The following CHSY3 variants were observed in gnomAD, a reference collection of about 807,000 sequenced individuals.
CHSY3 encodes the protein N-acetylgalactosaminyl-proteoglycan 3-beta-glucuronosyltransferase 3.
Under a neutral mutation model 67.2 loss-of-function variants are expected in CHSY3, and 35 were observed. The ratio of observed to expected loss-of-function variants is 0.52; its 90% CI spans 0.40 to 0.69. The LOEUF (loss-of-function observed/expected upper bound fraction) is 0.69. Among genes scored for constraint, CHSY3 ranks in the 30% least tolerant of loss-of-function variants. CHSY3 has a pLI of 0.00. For missense variants in CHSY3, 1,069 were observed against 1,138.5 expected (o/e 0.94, Z 0.88); for synonymous variants, 474 against 434.7 (o/e 1.09, Z -1.12).
intron 2 of CHSY3, among the ~76,000 whole-genome samples, chr5:130,166,508 T>C (rs1353531833): frequency 6.6e-6 from 1 of 152,166 alleles, no homozygotes; most frequent in East Asian, 1.9e-4. Flanking sequence ...GTGACTCAAG[T>C]CCTTGTATCT....
At chr5:129,923,938 T>C (rs1000029362) in intron 2 of CHSY3, among the ~76,000 whole-genome samples, 1 of 152,224 alleles carries the variant, frequency 6.6e-6, no homozygotes, top group African/African-American at 2.4e-5. Flanking sequence ...CATAAATGTA[T>C]TTGTTTTAAG....
intron 2 of CHSY3, among the ~76,000 whole-genome samples, chr5:130,022,601 T>G (rs1222055017): frequency 6.6e-6 from 1 of 151,990 alleles, no homozygotes; most frequent in East Asian, 1.9e-4. Flanking sequence ...AACTTATAAT[T>G]TATTTTTAAA....
intron 2 of CHSY3, among the ~76,000 whole-genome samples, chr5:130,013,862 A>G (rs916237001): frequency 6.6e-6 from 1 of 152,238 alleles, no homozygotes; most frequent in Non-Finnish European, 1.5e-5. Flanking sequence ...ATTTCTACCC[A>G]GAAAATGGGG....
At chr5:130,076,721 C>G (rs1027659635) in intron 2 of CHSY3, among the ~76,000 whole-genome samples, 1 of 151,900 alleles carries the variant, frequency 6.6e-6, no homozygotes, top group Admixed American at 6.6e-5. Context: ...CTACATTACT[C>G]CTAAAATTTA....
chr5:130,094,665 A>AT (rs1472810904), intron 2 of CHSY3, among the ~76,000 whole-genome samples: 1 of 152,136 alleles, frequency 6.6e-6, no homozygotes, highest in Non-Finnish European at 1.5e-5. Flanking sequence ...AAAAAAGTGA[A>AT]TGTTTTTCTT....
At chr5:130,046,038 C>T (rs528274853) in intron 2 of CHSY3, among the ~76,000 whole-genome samples, 2 of 152,130 alleles carry the variant, frequency 1.3e-5, no homozygotes, top group African/African-American at 2.4e-5. Context: ...CTAATGCTAG[C>T]AATACTTAAC....
At chr5:130,104,851 AT>A (rs1250872098) in intron 2 of CHSY3, among the ~76,000 whole-genome samples, 1 of 151,860 alleles carries the variant, frequency 6.6e-6, no homozygotes, top group African/African-American at 2.4e-5. Context: ...TATATGACTA[AT>A]TAAATGTATC....
chr5:130,076,916 GA>G (rs1766280514), intron 2 of CHSY3, among the ~76,000 whole-genome samples: 1 of 149,172 alleles, frequency 6.7e-6, no homozygotes, highest in Non-Finnish European at 1.5e-5. Flanking sequence ...ATGGACACAG[GA>G]AGGGGAACTT....
rs2149669480 is a variant in CHSY3, at chr5:130,048,033, G to A, written c.1087-136196G>A. On this transcript the variant is annotated intron_variant, in intron 2 of 2. Coordinates refer to ENST00000305031, the MANE Select transcript of CHSY3 (RefSeq NM_175856.5). Reference sequence around the variant, plus strand: ...AAAAAAGAAGTAAAGAAAAAGCAAGGAAAGAGGAAAAGTTTTAAAAAACGG... The same window carrying A: ...AAAAAAGAAGTAAAGAAAAAGCAAGAAAAGAGGAAAAGTTTTAAAAAACGG... Among the ~76,000 whole-genome samples, 3 of 148,740 alleles carry A rather than the reference G, an allele frequency of 2.0e-5. No individual in the cohort carries two copies. The South Asian group carries it at 6.2e-4, about 31-fold the overall frequency.
intron 2 of CHSY3, among the ~76,000 whole-genome samples, chr5:130,146,589 T>G (rs1769081072): frequency 1.3e-5 from 2 of 152,096 alleles, no homozygotes; most frequent in South Asian, 4.2e-4. Flanking sequence ...TTATACATTA[T>G]GAAATATCAG....
chr5:129,919,995 A>G (rs913624918), intron 2 of CHSY3, among the ~76,000 whole-genome samples: 1 of 152,184 alleles, frequency 6.6e-6, no homozygotes, highest in African/African-American at 2.4e-5. Context: ...TGAAATGTAC[A>G]GTATTCAATT....
intron 2 of CHSY3, among the ~76,000 whole-genome samples, chr5:129,950,937 A>C (rs1762005581): frequency 6.6e-6 from 1 of 152,216 alleles, no homozygotes; most frequent in Non-Finnish European, 1.5e-5. Flanking sequence ...AAAATCCTGA[A>C]TAGCTAAAAC....
Position 129,904,744 on chromosome 5 carries a change from A to C in CHSY3, c.-86A>C. 1 of 1,234,498 alleles carries C rather than the reference A, an allele frequency of 8.1e-7. No individual in the cohort carries two copies. The highest frequency in any genetic ancestry group is 1.0e-6 in the Non-Finnish European group (1 of 990,162). The allele number at this position is 1,234,498 out of a possible 1,614,324, so 76.5% of individuals were successfully genotyped here. A position where few individuals can be genotyped will look rare whatever the true frequency, so the allele number is the denominator to read the frequency against. Reference sequence around the variant, plus strand: ...GCTGCGGCCGCGGCTGGGGGCGCAAAGGCGGAGGAGGGGCGGGTGTGAGCC... The same window carrying C: ...GCTGCGGCCGCGGCTGGGGGCGCAACGGCGGAGGAGGGGCGGGTGTGAGCC... On this transcript the variant is annotated 5_prime_UTR_variant, in exon 1 of 3. Transcript: ENST00000305031.
At chr5:129,994,582 A>G (rs960737454) in intron 2 of CHSY3, among the ~76,000 whole-genome samples, 8 of 152,046 alleles carry the variant, frequency 5.3e-5, no homozygotes, top group African/African-American at 1.7e-4. Context: ...ATGCTGCTAT[A>G]AAGACACATG....
intron 2 of CHSY3, among the ~76,000 whole-genome samples, chr5:130,004,380 T>C (rs1763814354): frequency 6.6e-6 from 1 of 152,184 alleles, no homozygotes; most frequent in Admixed American, 6.5e-5. Flanking sequence ...TGAGTATAAG[T>C]GATATATTTC....
chr5:130,058,057 A>G (rs1193339978), intron 2 of CHSY3, among the ~76,000 whole-genome samples: 2 of 152,114 alleles, frequency 1.3e-5, no homozygotes. Context: ...AACACAGTGA[A>G]ATTGTAATGA....
chr5:130,133,133 T>C (rs763257734), intron 2 of CHSY3, among the ~76,000 whole-genome samples: 1 of 152,152 alleles, frequency 6.6e-6, no homozygotes, highest in Non-Finnish European at 1.5e-5. Context: ...TAAAAGGTTG[T>C]ATACTAATTT....
At chr5:130,146,240 A>G (rs1419373874) in intron 2 of CHSY3, among the ~76,000 whole-genome samples, 1 of 152,204 alleles carries the variant, frequency 6.6e-6, no homozygotes, top group Non-Finnish European at 1.5e-5. Context: ...AATGTGGTGT[A>G]TATATAAACA....
At chr5:129,998,605 T>C (rs1763620646) in intron 2 of CHSY3, among the ~76,000 whole-genome samples, 1 of 152,172 alleles carries the variant, frequency 6.6e-6, no homozygotes, top group African/African-American at 2.4e-5. Context: ...GAGAAGAGTC[T>C]ATGAAGAATA....
Sources: allele counts gnomAD v4.1 joint callset (sites outside exome capture counted in the v4.1 genomes callset), GRCh38; gene constraint gnomAD v4.1.1; transcripts MANE v1.5; gene names NCBI Gene and HGNC (gene_info 2026-07-23, HGNC 2026-07-21).